FSTL5: variants seen among roughly 807,000 people sequenced by gnomAD.
FSTL5 encodes the protein follistatin like 5, also known as follistatin-related protein 5.
In FSTL5, 62 loss-of-function variants were observed where a neutral mutation model predicts 89.1. That is an observed-to-expected ratio of 0.70 (90% CI 0.57 to 0.86). The LOEUF (loss-of-function observed/expected upper bound fraction) is 0.86. Ranked by LOEUF, FSTL5 falls within the 40% of genes least tolerant of loss-of-function variation. The pLI, the probability that FSTL5 is intolerant of heterozygous loss-of-function variation, is 0.00. For missense variants in FSTL5, 1,057 were observed against 1,001.6 expected, an observed-to-expected ratio of 1.06 and a Z score of -0.75; for synonymous variants, 383 against 346.2, an observed-to-expected ratio of 1.11 and a Z score of -1.18.
chr4:161,985,041 C>T (rs1235229320), intron 3 of FSTL5, among the ~76,000 whole-genome samples: 1 of 151,780 alleles, frequency 6.6e-6, no homozygotes, highest in African/African-American at 2.4e-5. Context: ...ACTGCAACCT[C>T]CGCCTCCTGG....
rs368681037 is a variant in FSTL5, at chr4:161,763,068, T to G, written c.607-3537A>C. ...GTTCCAAAACAAACAATAAAAAAAC[T>G]TGACCATCCGCAAAATGAACTATTC... is the stretch of plus-strand genomic sequence containing the variant. On this transcript the variant is annotated intron_variant, in intron 5 of 15. Transcript: ENST00000306100. Among the ~76,000 whole-genome samples the G allele has an allele frequency of 1.4e-4, 21 of 152,308 alleles. No individual in the cohort carries two copies. The East Asian group carries it at 4.1e-3, about 29-fold the overall frequency.
intron 5 of FSTL5, among the ~76,000 whole-genome samples, chr4:161,773,628 C>G (rs1430112452): frequency 2.6e-5 from 4 of 152,238 alleles, no homozygotes; most frequent in African/African-American, 7.2e-5. Flanking sequence ...AAATGCAAAT[C>G]AAAATCACCA....
At chr4:161,961,730 T>C (rs1735184380) in intron 3 of FSTL5, among the ~76,000 whole-genome samples, 1 of 151,784 alleles carries the variant, frequency 6.6e-6, no homozygotes, top group Non-Finnish European at 1.5e-5. Flanking sequence ...TTCTCCGAAG[T>C]TGAAAATTTG....
intron 11 of FSTL5, among the ~76,000 whole-genome samples, chr4:161,506,053 T>C (rs1337752356): frequency 1.3e-5 from 2 of 151,984 alleles, no homozygotes; most frequent in Non-Finnish European, 2.9e-5. Flanking sequence ...TATTATTACT[T>C]TTATAGGCCC....
intron 12 of FSTL5, among the ~76,000 whole-genome samples, chr4:161,482,315 C>CAA (rs112197039): frequency 7.0e-6 from 1 of 143,088 alleles, no homozygotes; most frequent in African/African-American, 2.5e-5. Context: ...GACTCCGTCT[C>CAA]AAAAAAAAAA....
intron 15 of FSTL5, among the ~76,000 whole-genome samples, chr4:161,393,286 G>C (rs2110882067): frequency 6.6e-6 from 1 of 151,796 alleles, no homozygotes; most frequent in East Asian, 1.9e-4. Context: ...GAAGAAACAG[G>C]TTTTGCATGA....
intron 15 of FSTL5, among the ~76,000 whole-genome samples, chr4:161,418,319 T>C (rs1175593701): frequency 6.6e-6 from 1 of 152,100 alleles, no homozygotes; most frequent in African/African-American, 2.4e-5. Flanking sequence ...TGAATGAATA[T>C]AAATTACTGA....
At chr4:162,027,315 TATTTACTTA>T (rs1295614029) in intron 3 of FSTL5, among the ~76,000 whole-genome samples, 2 of 152,102 alleles carry the variant, frequency 1.3e-5, no homozygotes, top group African/African-American at 2.4e-5. Flanking sequence ...TTTAGAGAGG[TATTTACTTA>T]ATTTACTTAA....
intron 10 of FSTL5, among the ~76,000 whole-genome samples, chr4:161,515,250 T>G (rs998310403): frequency 1.3e-5 from 2 of 151,960 alleles, no homozygotes; most frequent in Non-Finnish European, 2.9e-5. Context: ...CAGGCTGGAG[T>G]GGAATGGTGA....
intron 6 of FSTL5, among the ~76,000 whole-genome samples, chr4:161,709,910 G>C (rs913196499): frequency 5.3e-5 from 8 of 152,102 alleles, no homozygotes; most frequent in Non-Finnish European, 1.0e-4. Context: ...TGGGAATTTT[G>C]GTGGCAGTAA....
At chr4:161,708,858 A>T (rs1219024837) in intron 6 of FSTL5, among the ~76,000 whole-genome samples, 1 of 152,146 alleles carries the variant, frequency 6.6e-6, no homozygotes, top group Non-Finnish European at 1.5e-5. Context: ...TTCTAAAAAC[A>T]TTTTTCATAT....
chr4:161,474,858 G>C (rs931909305), intron 13 of FSTL5, among the ~76,000 whole-genome samples: 1 of 151,816 alleles, frequency 6.6e-6, no homozygotes, highest in Non-Finnish European at 1.5e-5. Flanking sequence ...GTAGTGTTTT[G>C]GTTTATTCAT....
intron 12 of FSTL5, 26 bp downstream of exon 12, chr4:161,499,990 G>T: frequency 7.3e-7 from 1 of 1,377,558 alleles, no homozygotes; most frequent in Non-Finnish European, 1.0e-6. Context: ...TGCATAAAAC[G>T]TCAAAGGAAC....
intron 3 of FSTL5, among the ~76,000 whole-genome samples, chr4:162,006,074 A>G (rs1736607021): frequency 6.6e-6 from 1 of 152,086 alleles, no homozygotes; most frequent in African/African-American, 2.4e-5. Flanking sequence ...CTTTCATTGC[A>G]TAAATCAAAT....
chr4:161,923,921 A>C (rs1734058249), intron 3 of FSTL5, among the ~76,000 whole-genome samples: 1 of 151,856 alleles, frequency 6.6e-6, no homozygotes, highest in Non-Finnish European at 1.5e-5. Flanking sequence ...AATTTAATTA[A>C]TTCATATGCA....
At chr4:161,861,220 C>G (rs1261919082) in intron 4 of FSTL5, among the ~76,000 whole-genome samples, 1 of 151,984 alleles carries the variant, frequency 6.6e-6, no homozygotes, top group Non-Finnish European at 1.5e-5. Context: ...GTCAGGAGTT[C>G]GAGACCAGCC....
intron 6 of FSTL5, among the ~76,000 whole-genome samples, chr4:161,664,201 A>G: frequency 6.6e-6 from 1 of 152,234 alleles, no homozygotes; most frequent in Non-Finnish European, 1.5e-5. Flanking sequence ...GCTCCCTGCT[A>G]CTTATGCAAA....
intron 10 of FSTL5, among the ~76,000 whole-genome samples, chr4:161,513,249 TGA>T (rs111941659): frequency 0.14 from 17,514 of 123,062 alleles, 1,940 homozygotes; most frequent in East Asian, 0.32. Context: ...ACTGAAGCAC[TGA>T]ACTGAACCAA....
intron 3 of FSTL5, among the ~76,000 whole-genome samples, chr4:161,993,498 CTA>C (rs1183601142): frequency 6.6e-6 from 1 of 151,818 alleles, no homozygotes; most frequent in East Asian, 1.9e-4. Flanking sequence ...AAATGGAAAA[CTA>C]TATTTTTAAT....
Sources: gnomAD v4.1 joint callset for allele counts (sites outside exome capture counted in the v4.1 genomes callset) on GRCh38, gnomAD v4.1.1 for gene constraint, MANE v1.5 for transcripts, NCBI Gene and HGNC (gene_info 2026-07-23, HGNC 2026-07-21) for gene names.